The following NIPBL variants were observed in gnomAD, a reference collection of about 807,000 sequenced individuals.
NIPBL encodes nipped-B-like protein.
Under a neutral mutation model 321.8 loss-of-function variants are expected in NIPBL, and 19 were observed. That is an observed-to-expected ratio of 0.06 (90% confidence interval 0.04 to 0.09). The LOEUF (loss-of-function observed/expected upper bound fraction) is 0.09. Among genes scored for constraint, NIPBL ranks in the 10% least tolerant of loss-of-function variants. NIPBL has a pLI of 1.00. For missense variants in NIPBL, 2,210 were observed against 3,327.0 expected, an observed-to-expected ratio of 0.66 and a Z score of 8.26; for synonymous variants, 1,106 against 1,114.1, an observed-to-expected ratio of 0.99 and a Z score of 0.14.
At chr5:37,033,730 A>ATATTTTT (rs775482943) in intron 32 of NIPBL, among the ~76,000 whole-genome samples, 16 of 21,506 alleles carry the variant, frequency 7.4e-4, no homozygotes, top group African/African-American at 2.6e-3. Context: ...ATATATATAT[A>ATATTTTT]TTTTTTTTTT....
intron 1 of NIPBL, among the ~76,000 whole-genome samples, chr5:36,940,973 G>A (rs1739001033): frequency 6.6e-6 from 1 of 152,150 alleles, no homozygotes; most frequent in African/African-American, 2.4e-5. Flanking sequence ...AGGTCTGTGA[G>A]GATATGTCTA....
chr5:36,982,286 G>T, intron 9 of NIPBL: 1 of 867,142 alleles, frequency 1.2e-6, no homozygotes, highest in Non-Finnish European at 1.4e-6. Context: ...ATTATTAGGT[G>T]GTTATGATGT....
intron 1 of NIPBL, among the ~76,000 whole-genome samples, chr5:36,941,806 T>A (rs563649172): frequency 1.1e-3 from 170 of 152,314 alleles, no homozygotes; most frequent in African/African-American, 3.9e-3. Context: ...AAATTGATAT[T>A]ACAGAACTAA....
At chr5:36,886,795 C>T (rs34497954) in intron 1 of NIPBL, among the ~76,000 whole-genome samples, 180 of 151,366 alleles carry the variant, frequency 1.2e-3, no homozygotes, top group Non-Finnish European at 1.8e-3. Flanking sequence ...TACTGCAGCC[C>T]GAGGCAACTA....
At position 36,962,221 on chromosome 5, in the gene NIPBL, A is replaced by G; in HGVS notation, c.557A>G (p.Tyr186Cys). ...SPYAPQSPAG[Y>C]MPYSHPSSYT... The stretch of plus-strand genomic sequence containing the variant: ...TACGCCCCACAAAGCCCTGCAGGAT[A>G]CATGCCATATTCCCATCCTTCAAGT... The change falls in exon 6 of 47, where the codon TAC (tyrosine) becomes TGC (cysteine). Residue 186 changes from tyrosine (Y) to cysteine (C), a missense_variant. By Grantham distance (194) the Tyr-to-Cys change is radical. Coordinates refer to ENST00000282516, the MANE Select transcript of NIPBL (RefSeq NM_133433.4). 1 of 1,614,138 alleles carries G rather than the reference A, an allele frequency of 6.2e-7. No homozygotes were observed. Among genetic ancestry groups the G allele is most frequent in the Non-Finnish European group, 8.5e-7 (1 of 1,179,994 alleles).
intron 33 of NIPBL, among the ~76,000 whole-genome samples, chr5:37,037,984 CT>C (rs34425779): frequency 0.34 from 39,553 of 116,182 alleles, 7,019 homozygotes; most frequent in African/African-American, 0.47. Flanking sequence ...TATTCACTTC[CT>C]TTTTTTTTTT....
chr5:36,965,663 G>A (rs188293908), intron 6 of NIPBL, among the ~76,000 whole-genome samples: 1 of 152,210 alleles, frequency 6.6e-6, no homozygotes, highest in African/African-American at 2.4e-5. Context: ...GCTGGAAGAA[G>A]ATAATTTGAA....
chr5:36,914,901 A>G (rs1035453698), intron 1 of NIPBL, among the ~76,000 whole-genome samples: 11 of 152,304 alleles, frequency 7.2e-5, no homozygotes, highest in Middle Eastern at 3.4e-3. Context: ...TTTGCCATTT[A>G]AATTTAATGA....
At position 37,022,208 on chromosome 5, in the gene NIPBL, G is replaced by T. The variant is rs371347738; in HGVS notation, c.5428-36G>T. 2.0e-5 allele frequency: 33 copies of T among 1,613,084 alleles called. No homozygotes were observed. In the African/African-American group the frequency reaches 4.3e-4, roughly 21 times the overall value. On this transcript the variant is annotated intron_variant, in intron 28 of 46. Transcript: ENST00000282516. ...CGAATTGGAATATTCACTCTATTTA[G>T]GTATAAATTGTTTTTTTCTCTTCAT...
chr5:36,975,300 T>C (rs1398383713), intron 8 of NIPBL, among the ~76,000 whole-genome samples: 1 of 152,158 alleles, frequency 6.6e-6, no homozygotes, highest in Non-Finnish European at 1.5e-5. Flanking sequence ...GTAGTATTCA[T>C]GTAAGATAGT....
At chr5:36,935,520 G>A (rs772955526) in intron 1 of NIPBL, among the ~76,000 whole-genome samples, 39 of 152,126 alleles carry the variant, frequency 2.6e-4, no homozygotes, top group Middle Eastern at 3.4e-3. Context: ...GGCTCTCTTC[G>A]TTGTGCTTCT....
chr5:36,955,683 C>T (rs1464145144), intron 3 of NIPBL, 46 bp downstream of exon 3: 1 of 1,526,098 alleles, frequency 6.6e-7, no homozygotes, highest in Non-Finnish European at 9.1e-7. Flanking sequence ...AAAGTTTTGG[C>T]CTTACTAAGA....
In NIPBL at chr5:36,952,018, CTGTG is replaced by C. The variant is rs60067315; in HGVS notation, c.-79-1567_-79-1564del. Among the ~76,000 whole-genome samples, 110 of 101,954 alleles carry C rather than the reference CTGTG, an allele frequency of 1.1e-3. 1 individual carries two copies. The highest frequency in any genetic ancestry group is 6.2e-3 in the East Asian group (16 of 2,586). The allele number at this position is 101,954 out of a possible 152,430, so 66.9% of individuals were successfully genotyped here. A position where few individuals can be genotyped will look rare whatever the true frequency, so the allele number is the denominator to read the frequency against. On this transcript the variant is annotated intron_variant, in intron 1 of 46. Coordinates refer to ENST00000282516, the MANE Select transcript of NIPBL (RefSeq NM_133433.4). ...ATGCTTACTTTATAACTCTGTTAAACTGTGTGTGTGTGTGTGTGTGTGTGTGTGT... is the reference window on the plus strand; with the variant it reads ...ATGCTTACTTTATAACTCTGTTAAACTGTGTGTGTGTGTGTGTGTGTGTGT...
chr5:36,906,562 T>C (rs540231929), intron 1 of NIPBL, among the ~76,000 whole-genome samples: 8 of 152,326 alleles, frequency 5.3e-5, no homozygotes, highest in East Asian at 3.9e-4. Flanking sequence ...GTTTTACTTA[T>C]TGCTTAAGAT....
intron 14 of NIPBL, 100 bp from the exon 15 acceptor site, chr5:37,002,560 TAG>T: frequency 2.6e-6 from 2 of 769,198 alleles, no homozygotes; most frequent in Non-Finnish European, 4.6e-6. Flanking sequence ...GTTATTTGTT[TAG>T]TTTGCATGTC....
chr5:36,948,613 G>A (rs906945306), intron 1 of NIPBL, among the ~76,000 whole-genome samples: 1 of 151,844 alleles, frequency 6.6e-6, no homozygotes. Context: ...TGCTTGGTAA[G>A]ATTCATTTGC....
At chr5:37,022,675 A>G (rs1749786298) in intron 29 of NIPBL, among the ~76,000 whole-genome samples, 2 of 152,204 alleles carry the variant, frequency 1.3e-5, no homozygotes, top group South Asian at 2.1e-4. Flanking sequence ...CACATGGGGT[A>G]GTTAAATGTT....
chr5:36,974,765 A>G (rs1743251882), intron 8 of NIPBL, among the ~76,000 whole-genome samples: 2 of 152,138 alleles, frequency 1.3e-5, no homozygotes, highest in Admixed American at 6.5e-5. Context: ...TTTATGTATC[A>G]TGGAAAAAGA....
At chr5:36,881,603 A>C (rs1745508811) in intron 1 of NIPBL, among the ~76,000 whole-genome samples, 2 of 151,970 alleles carry the variant, frequency 1.3e-5, no homozygotes, top group Admixed American at 1.3e-4. Context: ...ACAATTAGTA[A>C]ATGATCAGTC....
Sources: allele counts gnomAD v4.1 joint callset (sites outside exome capture counted in the v4.1 genomes callset), GRCh38; gene constraint gnomAD v4.1.1; transcripts MANE v1.5; gene names NCBI Gene and HGNC (gene_info 2026-07-23, HGNC 2026-07-21).